The following SEMA6D variants were observed in gnomAD, a reference collection of about 807,000 sequenced individuals.
SEMA6D encodes semaphorin-6D.
Under a neutral mutation model 106.6 loss-of-function variants are expected in SEMA6D, and 35 were observed. That is an observed-to-expected ratio of 0.33 (90% CI 0.25 to 0.44). SEMA6D has a LOEUF of 0.44. Ranked by LOEUF, SEMA6D falls within the 20% of genes least tolerant of loss-of-function variation. SEMA6D has a pLI of 1.00. For missense variants in SEMA6D, 1,185 were observed against 1,345.9 expected, an observed-to-expected ratio of 0.88 and a Z score of 1.87; for synonymous variants, 499 against 487.7, an observed-to-expected ratio of 1.02 and a Z score of -0.31.
chr15:47,253,540 G>A (rs1256761881), intron 1 of SEMA6D, among the ~76,000 whole-genome samples: 1 of 152,118 alleles, frequency 6.6e-6, no homozygotes, highest in Non-Finnish European at 1.5e-5. Context: ...TTTGTATAAG[G>A]TAAGAAATAA....
At chr15:47,504,570 C>T (rs1466578573) in intron 3 of SEMA6D, among the ~76,000 whole-genome samples, 1 of 152,318 alleles carries the variant, frequency 6.6e-6, no homozygotes, top group South Asian at 2.1e-4. Flanking sequence ...CAGGGAATTA[C>T]AGTCGTCAGA....
chr15:47,218,438 A>G (rs2030871625), intron 1 of SEMA6D, among the ~76,000 whole-genome samples: 1 of 152,196 alleles, frequency 6.6e-6, no homozygotes. Context: ...TCTAACCACC[A>G]TCTATAAAAT....
Position 47,653,458 on chromosome 15 carries a change from C to T in SEMA6D, c.-55+52562C>T, listed in dbSNP as rs568425734. On this transcript the variant is annotated intron_variant, in intron 4 of 19. Coordinates refer to the SEMA6D transcript ENST00000558014. ...AGAGAAAATGCCAACTCTTTCATAG[C>T]AAGACCTTTAGAGAACAGAGCTGAT... 7.2e-5 allele frequency among the ~76,000 whole-genome samples: 11 copies of T among 152,312 alleles called. No individual in the cohort carries two copies. In the South Asian group the frequency reaches 2.3e-3, roughly 32 times the overall value.
At chr15:47,740,804 AG>A (rs1441685391) in intron 1 of SEMA6D, among the ~76,000 whole-genome samples, 3 of 152,048 alleles carry the variant, frequency 2.0e-5, no homozygotes, top group Non-Finnish European at 4.4e-5. Flanking sequence ...CTGGAGACAA[AG>A]GCTTGATGTT....
At chr15:47,469,513 A>G (rs1210587269) in intron 2 of SEMA6D, among the ~76,000 whole-genome samples, 1 of 152,208 alleles carries the variant, frequency 6.6e-6, no homozygotes, top group Non-Finnish European at 1.5e-5. Context: ...AACTCCAGAT[A>G]TTAGAATTAC....
At chr15:47,274,317 G>GCTTTTT (rs2034701610) in intron 1 of SEMA6D, 1 of 152,124 alleles carries the variant, frequency 6.6e-6, no homozygotes. Flanking sequence ...AAAAGAAGAG[G>GCTTTTT]AGGGAAAAGC....
At chr15:47,479,737 A>G (rs948476163) in intron 3 of SEMA6D, among the ~76,000 whole-genome samples, 12 of 149,752 alleles carry the variant, frequency 8.0e-5, no homozygotes, top group African/African-American at 2.7e-4. Flanking sequence ...ATGAGGTTAT[A>G]AAAAGAGATG....
chr15:47,220,172 G>C (rs968101786), intron 1 of SEMA6D, among the ~76,000 whole-genome samples: 1 of 152,188 alleles, frequency 6.6e-6, no homozygotes, highest in African/African-American at 2.4e-5. Context: ...GCACCTTACA[G>C]AGAGGAGCTG....
intron 1 of SEMA6D, among the ~76,000 whole-genome samples, chr15:47,341,664 A>G (rs567274769): frequency 2.6e-5 from 4 of 152,176 alleles, no homozygotes; most frequent in African/African-American, 4.8e-5. Context: ...TTATAAATAA[A>G]TATAGCTCTG....
Position 47,743,293 on chromosome 15 carries a change from G to A in SEMA6D, c.-54-16452G>A, listed in dbSNP as rs28684384. Among the ~76,000 whole-genome samples, 520 of 152,228 alleles carry A rather than the reference G, an allele frequency of 3.4e-3. 5 individuals are homozygous for A. The highest frequency in any genetic ancestry group is 0.012 in the African/African-American group (483 of 41,534). ...AATACATAATTTAATATGTTGGTGCGTGTATGTGTTCATTACTGGTGATCG... is the reference window on the plus strand; with the variant it reads ...AATACATAATTTAATATGTTGGTGCATGTATGTGTTCATTACTGGTGATCG... On this transcript the variant is annotated intron_variant, in intron 1 of 18. Coordinates refer to ENST00000536845, the MANE Select transcript of SEMA6D (RefSeq NM_001358351.3).
intron 1 of SEMA6D, among the ~76,000 whole-genome samples, chr15:47,310,454 A>G (rs138772484): frequency 2.6e-5 from 4 of 152,292 alleles, no homozygotes; most frequent in South Asian, 2.1e-4. Context: ...CAATGAGCCA[A>G]TTGCTCTTTT....
chr15:47,585,849 T>G (rs571006113), intron 3 of SEMA6D, among the ~76,000 whole-genome samples: 7 of 152,228 alleles, frequency 4.6e-5, no homozygotes, highest in Non-Finnish European at 8.8e-5. Context: ...GAGAAAAGTT[T>G]AGAAACTTGC....
chr15:47,768,867 A>C, intron 18 of SEMA6D, 119 bp downstream of exon 18: 2 of 849,052 alleles, frequency 2.4e-6, no homozygotes, highest in East Asian at 2.5e-5. Flanking sequence ...TTGTACCTCC[A>C]CCGCCCCTTG....
chr15:47,278,244 T>C (rs1820567730), intron 1 of SEMA6D, among the ~76,000 whole-genome samples: 1 of 152,182 alleles, frequency 6.6e-6, no homozygotes, highest in African/African-American at 2.4e-5. Flanking sequence ...GTAAAAGTGT[T>C]CCTGTTTCTC....
intron 4 of SEMA6D, among the ~76,000 whole-genome samples, chr15:47,688,410 T>C (rs1374429883): frequency 6.6e-6 from 1 of 152,120 alleles, no homozygotes; most frequent in South Asian, 2.1e-4. Context: ...TACAAGAAAA[T>C]TCTTCAAATA....
Position 47,768,611 on chromosome 15 carries a change from C to T in SEMA6D, c.1796C>T (p.Thr599Ile). 2 of 1,612,936 alleles carry T rather than the reference C, an allele frequency of 1.2e-6. No homozygotes were observed. The highest frequency in any genetic ancestry group is 4.5e-5 in the East Asian group (2 of 44,836). The change falls in exon 18 of 19, where the codon ACA becomes ATA. Residue 599 changes from threonine (T) to isoleucine (I), a missense_variant. Physicochemically the swap from Thr to Ile is moderately conservative, Grantham distance 89 (BLOSUM62 -1). This residue lies in a region of SEMA6D where 750 missense variants were observed against 783.5 expected (regional missense o/e 0.96). Coordinates refer to ENST00000536845, the MANE Select transcript of SEMA6D (RefSeq NM_001358351.3). ...DMEVSSSSVTTMASIPEITPK... is the reference protein window; with the variant it reads ...DMEVSSSSVTIMASIPEITPK... ...GAGGTATCTTCATCTTCTGTTACCACAATGGCAAGTATCCCAGAAATCACA... is the reference window on the plus strand; with the variant it reads ...GAGGTATCTTCATCTTCTGTTACCATAATGGCAAGTATCCCAGAAATCACA...
intron 1 of SEMA6D, among the ~76,000 whole-genome samples, chr15:47,320,236 T>C (rs1400740197): frequency 1.3e-5 from 2 of 152,132 alleles, no homozygotes; most frequent in Non-Finnish European, 2.9e-5. Flanking sequence ...CTTCAGCTTA[T>C]CATATCCAAG....
At chr15:47,301,716 C>T (rs542799047) in intron 1 of SEMA6D, among the ~76,000 whole-genome samples, 2 of 152,344 alleles carry the variant, frequency 1.3e-5, no homozygotes, top group East Asian at 1.9e-4. Context: ...CTCTTAGCAA[C>T]AGCTGTGAGA....
intron 1 of SEMA6D, among the ~76,000 whole-genome samples, chr15:47,411,188 T>C (rs1485323079): frequency 6.6e-6 from 1 of 152,126 alleles, no homozygotes; most frequent in African/African-American, 2.4e-5. Context: ...CTCGGTTTCC[T>C]GGGTTCAAGC....
Sources: gnomAD v4.1 joint callset for allele counts (sites outside exome capture counted in the v4.1 genomes callset) on GRCh38, gnomAD v4.1.1 for gene constraint, gnomAD v4.1.1 regional missense constraint, MANE v1.5 for transcripts, NCBI Gene and HGNC (gene_info 2026-07-23, HGNC 2026-07-21) for gene names.